The following HECW2 variants were observed in gnomAD, a reference collection of about 807,000 sequenced individuals.
The protein encoded by HECW2 is E3 ubiquitin-protein ligase HECW2.
A neutral mutation model predicts 175.2 loss-of-function variants in HECW2; 61 were observed. The observed-to-expected ratio is 0.35, with a 90% CI of 0.28 to 0.43. The LOEUF is 0.43. Among genes scored for constraint, HECW2 ranks in the 20% least tolerant of loss-of-function variants. HECW2 has a pLI of 1.00. For missense variants in HECW2, 1,524 were observed against 2,000.5 expected (o/e 0.76, Z 4.54); for synonymous variants, 671 against 731.0 (o/e 0.92, Z 1.32).
At chr2:196,336,212 T>C (rs908517800) in intron 3 of HECW2, among the ~76,000 whole-genome samples, 22 of 152,214 alleles carry the variant, frequency 1.4e-4, no homozygotes, top group African/African-American at 5.1e-4. Flanking sequence ...TGCAAATGAC[T>C]TTCCTGAACA....
At chr2:196,513,951 T>C (rs1575621487) in intron 1 of HECW2, among the ~76,000 whole-genome samples, 2 of 152,156 alleles carry the variant, frequency 1.3e-5, no homozygotes, top group African/African-American at 4.8e-5. Context: ...CTGGTGGCAG[T>C]GGGGGAGGCG....
At position 196,220,829 on chromosome 2, in the gene HECW2, T is replaced by C. The variant is rs753578318; in HGVS notation, c.4259A>G (p.Gln1420Arg). The C allele has an allele frequency of 1.2e-6, 2 of 1,614,220 alleles. No homozygotes were observed. The highest frequency in any genetic ancestry group is 2.2e-5 in the South Asian group (2 of 91,090). Residue 1420 changes from glutamine (Q) to arginine (R), a missense_variant, in exon 25 of 29, where the codon CAG (glutamine) becomes CGG (arginine). By Grantham distance (43) the Gln-to-Arg change is conservative. Coordinates refer to ENST00000644978, the MANE Select transcript of HECW2 (RefSeq NM_001348768.2). ...VKWRIERGVV[Q>R]QTESLVRGFY... Reference sequence around the variant, plus strand: ...GCCACGCACTAAGCTCTCTGTTTGCTGTACAACACCCCTCTCAATCCTCCA... The same window carrying C: ...GCCACGCACTAAGCTCTCTGTTTGCCGTACAACACCCCTCTCAATCCTCCA...
chr2:196,392,034 A>G (rs77108448), intron 2 of HECW2, among the ~76,000 whole-genome samples: 1 of 152,266 alleles, frequency 6.6e-6, no homozygotes, highest in African/African-American at 2.4e-5. Flanking sequence ...TTATACCTGC[A>G]AAGACCCTAC....
At chr2:196,537,874 A>G (rs1399703911) in intron 1 of HECW2, among the ~76,000 whole-genome samples, 1 of 152,210 alleles carries the variant, frequency 6.6e-6, no homozygotes, top group African/African-American at 2.4e-5. Flanking sequence ...CTTGTAACAG[A>G]GCCCATCTCC....
intron 13 of HECW2, among the ~76,000 whole-genome samples, chr2:196,296,871 T>C (rs1244800688): frequency 6.6e-6 from 1 of 152,262 alleles, no homozygotes; most frequent in African/African-American, 2.4e-5. Flanking sequence ...GAAGCTGATA[T>C]TAACAAAGCT....
At chr2:196,359,912 G>C (rs1296414906) in intron 2 of HECW2, among the ~76,000 whole-genome samples, 1 of 152,120 alleles carries the variant, frequency 6.6e-6, no homozygotes, top group Non-Finnish European at 1.5e-5. Flanking sequence ...AGACTAGCCT[G>C]GGCAACACAG....
chr2:196,583,859 A>T (rs1285185192), intron 1 of HECW2, among the ~76,000 whole-genome samples: 10 of 152,198 alleles, frequency 6.6e-5, no homozygotes, highest in Admixed American at 6.5e-4. Flanking sequence ...TAGAGTGCTT[A>T]AAATCTAGGT....
chr2:196,536,339 G>GTGAGAGTAT (rs1483863382), intron 1 of HECW2, among the ~76,000 whole-genome samples: 1 of 152,142 alleles, frequency 6.6e-6, no homozygotes, highest in African/African-American at 2.4e-5. Flanking sequence ...TGTAGCAGCT[G>GTGAGAGTAT]TGAGAGTATT....
intron 21 of HECW2, among the ~76,000 whole-genome samples, chr2:196,233,182 C>A (rs1004073695): frequency 2.6e-5 from 4 of 152,184 alleles, no homozygotes; most frequent in African/African-American, 9.7e-5. Flanking sequence ...GTTGGTTCCA[C>A]AGCTAAAGGC....
chr2:196,491,806 C>T (rs16852544), intron 1 of HECW2, among the ~76,000 whole-genome samples: 6 of 151,540 alleles, frequency 4.0e-5, no homozygotes, highest in East Asian at 1.9e-4. Flanking sequence ...TAATCTCTTC[C>T]GTATTATAAT....
At chr2:196,226,235 C>T (rs1687845314) in intron 22 of HECW2, among the ~76,000 whole-genome samples, 1 of 152,112 alleles carries the variant, frequency 6.6e-6, no homozygotes, top group East Asian at 1.9e-4. Context: ...AACACACACA[C>T]ACACTCTCTC....
chr2:196,334,353 C>T (rs1045661375), intron 4 of HECW2, 71 bp downstream of exon 4: 34 of 1,151,748 alleles, frequency 3.0e-5, no homozygotes, highest in South Asian at 1.5e-4. Flanking sequence ...CTGTCAGGGC[C>T]GCACAGGTAA....
intron 1 of HECW2, among the ~76,000 whole-genome samples, chr2:196,444,453 T>C (rs559535441): frequency 8.5e-5 from 13 of 152,312 alleles, no homozygotes; most frequent in African/African-American, 2.4e-4. Context: ...CTATACTCCA[T>C]AGAGTACATT....
intron 1 of HECW2, among the ~76,000 whole-genome samples, chr2:196,441,666 G>A (rs979281356): frequency 1.3e-5 from 2 of 152,050 alleles, no homozygotes; most frequent in Admixed American, 6.6e-5. Flanking sequence ...GCAAGAGAGA[G>A]CATTTTCAGT....
chr2:196,422,362 G>A (rs1004289515), intron 2 of HECW2, among the ~76,000 whole-genome samples: 1 of 152,120 alleles, frequency 6.6e-6, no homozygotes, highest in Non-Finnish European at 1.5e-5. Flanking sequence ...GCTCTGAGCC[G>A]AAGTGAAATG....
intron 20 of HECW2, among the ~76,000 whole-genome samples, chr2:196,241,879 C>A (rs1186454954): frequency 2.0e-5 from 3 of 152,198 alleles, no homozygotes; most frequent in Non-Finnish European, 4.4e-5. Context: ...AGTGTCTTCA[C>A]TATTTGTTTT....
chr2:196,253,208 A>C (rs1409933538), intron 19 of HECW2, among the ~76,000 whole-genome samples: 3 of 152,246 alleles, frequency 2.0e-5, no homozygotes, highest in Admixed American at 6.5e-5. Context: ...TGGAGTTTGC[A>C]CTTCTACTGA....
At chr2:196,209,081 A>G (rs1384319203) in intron 28 of HECW2, among the ~76,000 whole-genome samples, 1 of 152,212 alleles carries the variant, frequency 6.6e-6, no homozygotes, top group Non-Finnish European at 1.5e-5. Context: ...TCTTGAGGCC[A>G]AGGAAAAGTG....
At chr2:196,477,547 G>A (rs921861676) in intron 1 of HECW2, among the ~76,000 whole-genome samples, 1 of 152,134 alleles carries the variant, frequency 6.6e-6, no homozygotes, top group African/African-American at 2.4e-5. Context: ...TTTCAATAGA[G>A]CCATAATTTC....
Sources: allele counts gnomAD v4.1 joint callset (sites outside exome capture counted in the v4.1 genomes callset), GRCh38; gene constraint gnomAD v4.1.1; transcripts MANE v1.5; gene names NCBI Gene and HGNC (gene_info 2026-07-23, HGNC 2026-07-21).